PDE4D: variants seen among roughly 807,000 people sequenced by gnomAD.
The protein encoded by PDE4D is 3',5'-cyclic-AMP phosphodiesterase 4D.
A neutral mutation model predicts 87.4 loss-of-function variants in PDE4D; 24 were observed. The observed-to-expected ratio is 0.27, with a 90% CI of 0.20 to 0.39. PDE4D has a LOEUF of 0.39. PDE4D is among the 10% of genes least tolerant of loss of function. The pLI is 1.00. For missense variants in PDE4D, 714 were observed against 1,041.0 expected (o/e 0.69, Z 4.32); for synonymous variants, 384 against 383.2 (o/e 1.00, Z -0.02).
chr5:59,846,756 T>A (rs1045158162), intron 1 of PDE4D, among the ~76,000 whole-genome samples: 4 of 151,940 alleles, frequency 2.6e-5, no homozygotes, highest in African/African-American at 4.8e-5. Context: ...AAACGTCACA[T>A]GGAGACCCCA....
At chr5:60,416,772 T>G (rs376699303) in intron 1 of PDE4D, among the ~76,000 whole-genome samples, 3 of 152,178 alleles carry the variant, frequency 2.0e-5, no homozygotes, top group Admixed American at 2.0e-4. Context: ...TATCCAAGAC[T>G]CTGGGGCTTT....
chr5:59,029,176 G>T (rs1171810388), intron 6 of PDE4D, among the ~76,000 whole-genome samples: 1 of 151,828 alleles, frequency 6.6e-6, no homozygotes, highest in Non-Finnish European at 1.5e-5. Flanking sequence ...ACTTTGGGAG[G>T]CCGAGGCGGG....
chr5:59,688,575 T>C (rs1166756592), intron 1 of PDE4D, among the ~76,000 whole-genome samples: 4 of 152,168 alleles, frequency 2.6e-5, no homozygotes, highest in African/African-American at 9.7e-5. Context: ...AAGCAGTGTG[T>C]AGAGGGAAAT....
At chr5:59,011,237 TCTC>T (rs1752742764) in intron 6 of PDE4D, among the ~76,000 whole-genome samples, 2 of 152,082 alleles carry the variant, frequency 1.3e-5, no homozygotes, top group South Asian at 4.1e-4. Context: ...GAGCTCCTCT[TCTC>T]CTCCAAAGGA....
intron 1 of PDE4D, among the ~76,000 whole-genome samples, chr5:60,438,847 T>C (rs1744967700): frequency 6.6e-6 from 1 of 152,056 alleles, no homozygotes; most frequent in Non-Finnish European, 1.5e-5. Flanking sequence ...TTAGCACCTG[T>C]GTTGGTAGGG....
chr5:59,896,779 A>C (rs1449717766), upstream of PDE4D, among the ~76,000 whole-genome samples: 1 of 152,184 alleles, frequency 6.6e-6, no homozygotes, highest in African/African-American at 2.4e-5. Context: ...GAAAATATGC[A>C]CTTTATGTAT....
At chr5:59,764,134 C>T (rs961808259) in intron 1 of PDE4D, among the ~76,000 whole-genome samples, 1 of 152,130 alleles carries the variant, frequency 6.6e-6, no homozygotes, top group Admixed American at 6.5e-5. Flanking sequence ...GACATACACT[C>T]GTTTCTTTCA....
chr5:60,187,081 G>A (rs1784841896), intron 1 of PDE4D, among the ~76,000 whole-genome samples: 1 of 152,142 alleles, frequency 6.6e-6, no homozygotes, highest in Non-Finnish European at 1.5e-5. Flanking sequence ...GGACTCAAAG[G>A]GAAACAAGGG....
At chr5:60,053,943 A>G (rs1251962180) in intron 2 of PDE4D, among the ~76,000 whole-genome samples, 1 of 152,232 alleles carries the variant, frequency 6.6e-6, no homozygotes, top group Non-Finnish European at 1.5e-5. Flanking sequence ...AAAGCTCATT[A>G]CCACTGGTCA....
At chr5:59,954,087 G>A (rs904022229) in intron 3 of PDE4D, among the ~76,000 whole-genome samples, 7 of 137,650 alleles carry the variant, frequency 5.1e-5, no homozygotes, top group Admixed American at 2.3e-4. Flanking sequence ...CACCATGCCC[G>A]GCTAATTTTT....
intron 5 of PDE4D, among the ~76,000 whole-genome samples, chr5:59,095,570 A>G (rs1432233512): frequency 1.3e-5 from 2 of 152,134 alleles, no homozygotes; most frequent in Non-Finnish European, 2.9e-5. Context: ...GAACATTTCT[A>G]TTGTACCATC....
intron 2 of PDE4D, among the ~76,000 whole-genome samples, chr5:60,084,205 A>G (rs1362057431): frequency 6.6e-6 from 1 of 152,218 alleles, no homozygotes; most frequent in Non-Finnish European, 1.5e-5. Context: ...GTAAGCATAG[A>G]AATGGTGTTT....
chr5:59,139,647 TA>T (rs1561553303), intron 5 of PDE4D, among the ~76,000 whole-genome samples: 4,928 of 151,652 alleles, frequency 0.032, 296 homozygotes, highest in African/African-American at 0.11. Context: ...TTATTTTTTT[TA>T]TTTTTATTTT....
intron 1 of PDE4D, among the ~76,000 whole-genome samples, chr5:59,230,007 G>A (rs1446069737): frequency 1.3e-5 from 2 of 152,080 alleles, no homozygotes; most frequent in African/African-American, 2.4e-5. Context: ...GGCTGGTCTC[G>A]AACTCCCGAC....
chr5:59,576,255 A>T (rs1415993529), intron 1 of PDE4D, among the ~76,000 whole-genome samples: 2 of 152,128 alleles, frequency 1.3e-5, no homozygotes, highest in Non-Finnish European at 2.9e-5. Flanking sequence ...TAGATAAGTG[A>T]CCCAAGGTTG....
chr5:59,605,778 G>A (rs1828114277), intron 1 of PDE4D, among the ~76,000 whole-genome samples: 1 of 151,986 alleles, frequency 6.6e-6, no homozygotes, highest in African/African-American at 2.4e-5. Context: ...GCAGGTTTGG[G>A]CCTTAGTTAC....
chr5:59,546,991 A>G (rs894943005), intron 1 of PDE4D, among the ~76,000 whole-genome samples: 3 of 152,136 alleles, frequency 2.0e-5, no homozygotes, highest in South Asian at 4.1e-4. Context: ...AACCAACAAC[A>G]GTAGTTCTTG....
At chr5:59,474,488 T>C (rs1282813320) in intron 1 of PDE4D, among the ~76,000 whole-genome samples, 2 of 152,092 alleles carry the variant, frequency 1.3e-5, no homozygotes, top group Non-Finnish European at 2.9e-5. Flanking sequence ...ACATGGGATA[T>C]ACTTTGACCA....
At chr5:60,070,050 T>C (rs182232195) in intron 2 of PDE4D, among the ~76,000 whole-genome samples, 1 of 152,290 alleles carries the variant, frequency 6.6e-6, no homozygotes, top group Admixed American at 6.5e-5. Flanking sequence ...TTTCACTAAA[T>C]TCATTTGTTA....
Sources: allele counts gnomAD v4.1 joint callset (sites outside exome capture counted in the v4.1 genomes callset), GRCh38; gene constraint gnomAD v4.1.1; transcripts MANE v1.5; gene names NCBI Gene and HGNC (gene_info 2026-07-23, HGNC 2026-07-21).